Variants in STAG1 observed in about 807,000 individuals in gnomAD.
STAG1 encodes cohesin subunit SA-1.
In STAG1, 26 loss-of-function variants were observed where a neutral mutation model predicts 170.9. That is an observed-to-expected ratio of 0.15 (90% confidence interval 0.11 to 0.21). The LOEUF is 0.21. Among genes scored for constraint, STAG1 ranks in the 10% least tolerant of loss-of-function variants. The pLI is 1.00. For synonymous variants in STAG1, 514 were observed against 497.7 expected (o/e 1.03, Z -0.44); for missense variants, 964 against 1,509.5 (o/e 0.64, Z 5.99).
intron 1 of STAG1, among the ~76,000 whole-genome samples, chr3:136,667,203 A>C (rs904220656): frequency 4.6e-5 from 7 of 152,206 alleles, no homozygotes; most frequent in African/African-American, 1.7e-4. Flanking sequence ...AGGTAAAAGA[A>C]TGTTAGATAT....
intron 1 of STAG1, among the ~76,000 whole-genome samples, chr3:136,715,150 T>TGTGTATGTG (rs1356332403): frequency 7.1e-6 from 1 of 141,642 alleles, no homozygotes; most frequent in African/African-American, 2.7e-5. Context: ...AGATAAAATT[T>TGTGTATGTG]GTGTATGTGG....
At chr3:136,748,867 T>C (rs1247280019) in intron 1 of STAG1, among the ~76,000 whole-genome samples, 2 of 152,108 alleles carry the variant, frequency 1.3e-5, no homozygotes, top group Non-Finnish European at 2.9e-5. Flanking sequence ...AATTATTTCA[T>C]AGAGGAAGGC....
chr3:136,549,537 G>A (rs1302788405), intron 5 of STAG1, among the ~76,000 whole-genome samples: 1 of 152,104 alleles, frequency 6.6e-6, no homozygotes, highest in Non-Finnish European at 1.5e-5. Flanking sequence ...CTGACCTCAG[G>A]TGATCTGCCT....
intron 7 of STAG1, among the ~76,000 whole-genome samples, chr3:136,511,054 G>A (rs906004400): frequency 5.3e-5 from 8 of 152,200 alleles, no homozygotes; most frequent in African/African-American, 1.9e-4. Flanking sequence ...TTACAGGCAT[G>A]AGCCACTGCA....
At chr3:136,353,707 C>A (rs1306292287) in intron 28 of STAG1, among the ~76,000 whole-genome samples, 3 of 152,184 alleles carry the variant, frequency 2.0e-5, no homozygotes, top group African/African-American at 7.2e-5. Context: ...CTGAGAGAAT[C>A]TGTTGCTATC....
intron 1 of STAG1, among the ~76,000 whole-genome samples, chr3:136,655,693 G>C (rs1041146229): frequency 1.1e-4 from 17 of 152,028 alleles, no homozygotes; most frequent in Non-Finnish European, 2.2e-4. Context: ...AACCCAGGAG[G>C]CAGAGGTCAC....
At chr3:136,490,187 CA>C (rs1368966467) in intron 9 of STAG1, among the ~76,000 whole-genome samples, 2 of 152,080 alleles carry the variant, frequency 1.3e-5, no homozygotes, top group African/African-American at 4.8e-5. Flanking sequence ...ATTACAGGCA[CA>C]GACCATCACA....
chr3:136,551,208 TGAGAGA>T (rs57609965), intron 5 of STAG1, among the ~76,000 whole-genome samples: 3,707 of 44,422 alleles, frequency 0.083, 177 homozygotes, highest in East Asian at 0.2. Context: ...TGAGAGAGAG[TGAGAGA>T]GAGAGAGAGA....
intron 16 of STAG1, among the ~76,000 whole-genome samples, chr3:136,424,773 C>G (rs2088065229): frequency 6.6e-6 from 1 of 152,134 alleles, no homozygotes; most frequent in Non-Finnish European, 1.5e-5. Context: ...TATATTTTTC[C>G]TTTGACCTAG....
At chr3:136,339,857 C>T (rs1214277300) in intron 32 of STAG1, among the ~76,000 whole-genome samples, 1 of 152,146 alleles carries the variant, frequency 6.6e-6, no homozygotes, top group Non-Finnish European at 1.5e-5. Context: ...TCATACTGAA[C>T]AAAGAAGTCC....
At chr3:136,542,054 T>G in intron 6 of STAG1, 65 bp downstream of exon 6, 1 of 1,182,756 alleles carries the variant, frequency 8.5e-7, no homozygotes, top group Non-Finnish European at 1.2e-6. Context: ...AAACCTGAGA[T>G]AATCAACATA....
At chr3:136,535,631 C>A (rs1935581719) in intron 6 of STAG1, among the ~76,000 whole-genome samples, 1 of 152,162 alleles carries the variant, frequency 6.6e-6, no homozygotes, top group East Asian at 1.9e-4. Context: ...CCACTGCACT[C>A]CAGCCTAGGC....
At chr3:136,348,715 C>CT (rs1426332535) in intron 29 of STAG1, 1 of 167,754 alleles carries the variant, frequency 6.0e-6, no homozygotes, top group Non-Finnish European at 1.3e-5. Context: ...GAGGCCATCA[C>CT]TGTCTTACTG....
intron 8 of STAG1, 151 bp from the exon 9 acceptor site, chr3:136,500,447 A>T: frequency 1.8e-6 from 1 of 555,442 alleles, no homozygotes; most frequent in Non-Finnish European, 3.2e-6. Context: ...ATACCAGTAT[A>T]TTTCCATTAT....
chr3:136,513,879 CAATT>C (rs1456924295), intron 7 of STAG1, among the ~76,000 whole-genome samples: 3 of 151,594 alleles, frequency 2.0e-5, no homozygotes, highest in East Asian at 1.9e-4. Context: ...ACAGCAGAAA[CAATT>C]AAGTAGCATC....
In STAG1 at chr3:136,338,217, A is replaced by G. The variant is rs755875634; in HGVS notation, c.*37T>C. 6.7e-7 allele frequency: 1 copy of G among 1,499,876 alleles called. No individual in the cohort carries two copies. Among genetic ancestry groups the G allele is most frequent in the South Asian group, 1.1e-5 (1 of 87,980 alleles). The allele number at this position is 1,499,876 out of a possible 1,614,324, so 92.9% of individuals were successfully genotyped here. A position where few individuals can be genotyped will look rare whatever the true frequency, so the allele number is the denominator to read the frequency against. Reference sequence around the variant, plus strand: ...ACAGTATATAGGCCTCTAGCTCTAAATAATAGAGTTCCAGATTTGTAAATT... The same window carrying G: ...ACAGTATATAGGCCTCTAGCTCTAAGTAATAGAGTTCCAGATTTGTAAATT... On this transcript the variant is annotated 3_prime_UTR_variant, in exon 34 of 34. Coordinates refer to ENST00000383202, the MANE Select transcript of STAG1 (RefSeq NM_005862.3).
At chr3:136,580,521 CTTTT>C (rs760635116) in intron 4 of STAG1, among the ~76,000 whole-genome samples, 5 of 100,356 alleles carry the variant, frequency 5.0e-5, no homozygotes, top group Admixed American at 1.2e-4. Context: ...TTGTATAATT[CTTTT>C]TTTTTTTTTT....
intron 18 of STAG1, 47 bp downstream of exon 18, chr3:136,422,721 G>A: frequency 2.6e-6 from 4 of 1,528,382 alleles, no homozygotes; most frequent in Non-Finnish European, 3.6e-6. Flanking sequence ...AAATAATTCA[G>A]TTAATAAAAC....
At chr3:136,653,584 G>A (rs1941285406) in intron 1 of STAG1, among the ~76,000 whole-genome samples, 2 of 152,060 alleles carry the variant, frequency 1.3e-5, no homozygotes, top group African/African-American at 4.8e-5. Flanking sequence ...CACCAAAAGG[G>A]TGGGAACTAC....
Sources: allele counts gnomAD v4.1 joint callset (sites outside exome capture counted in the v4.1 genomes callset), GRCh38; gene constraint gnomAD v4.1.1; transcripts MANE v1.5; gene names NCBI Gene and HGNC (gene_info 2026-07-23, HGNC 2026-07-21).